TAB2: variants seen among roughly 807,000 people sequenced by gnomAD.
TAB2 encodes TGF-beta-activated kinase 1 and MAP3K7-binding protein 2.
TAB2 carries 3 observed loss-of-function variants against 65.0 expected under a neutral mutation model. That is an observed-to-expected ratio of 0.05 (90% CI 0.02 to 0.12). The LOEUF is 0.12. Among genes scored for constraint, TAB2 ranks in the 10% least tolerant of loss-of-function variants. The pLI is 1.00. For missense variants in TAB2, 623 were observed against 840.3 expected, an observed-to-expected ratio of 0.74 and a Z score of 3.20; for synonymous variants, 298 against 285.1, an observed-to-expected ratio of 1.05 and a Z score of -0.46.
chr6:149,226,233 A>G (rs73781710), intron 1 of TAB2, among the ~76,000 whole-genome samples: 2,057 of 152,262 alleles, frequency 0.014, 56 homozygotes, highest in African/African-American at 0.047. Context: ...CCTGCCCATT[A>G]TAGGACACAG....
At chr6:149,365,196 A>G (rs530645546) in intron 1 of TAB2, among the ~76,000 whole-genome samples, 3 of 152,320 alleles carry the variant, frequency 2.0e-5, no homozygotes, top group Middle Eastern at 3.4e-3. Context: ...GCATCTTAAC[A>G]TAGGAAATGT....
chr6:149,356,620 C>A (rs1583118346), intron 1 of TAB2, among the ~76,000 whole-genome samples: 1 of 152,082 alleles, frequency 6.6e-6, no homozygotes, highest in Admixed American at 6.6e-5. Context: ...GCCACTAATC[C>A]CATTCATGTA....
chr6:149,399,043 T>TTAG, intron 5 of TAB2, 61 bp from the exon 6 acceptor site: 1 of 1,426,314 alleles, frequency 7.0e-7, no homozygotes. Flanking sequence ...ATACTTGTTT[T>TTAG]AAAAAGTAAA....
At chr6:149,349,297 G>A (rs998026144) in intron 1 of TAB2, among the ~76,000 whole-genome samples, 4 of 151,006 alleles carry the variant, frequency 2.6e-5, no homozygotes, top group African/African-American at 9.7e-5. Context: ...GCACGCGCCT[G>A]TAATCCTAGC....
chr6:149,340,164 A>G (rs1009905074), intron 1 of TAB2, among the ~76,000 whole-genome samples: 1 of 152,224 alleles, frequency 6.6e-6, no homozygotes, highest in African/African-American at 2.4e-5. Flanking sequence ...ACTACAATTT[A>G]AAGGAGATTC....
Position 149,353,880 on chromosome 6 carries a change from T to A in TAB2, c.-89-16029T>A, listed in dbSNP as rs550604515. ...AGAGTGAGAGATTAAATATATATATTTGTGTATTTGTGTGTGTATACATAT... is the reference window on the plus strand; with the variant it reads ...AGAGTGAGAGATTAAATATATATATATGTGTATTTGTGTGTGTATACATAT... On this transcript the variant is annotated intron_variant, in intron 1 of 6. Transcript: ENST00000637181. 7.4e-3 allele frequency among the ~76,000 whole-genome samples: 1,126 copies of A among 152,308 alleles called. 14 individuals carry two copies. The highest frequency in any genetic ancestry group is 0.026 in the African/African-American group (1,087 of 41,560).
chr6:149,310,270 G>A (rs946844544), intron 1 of TAB2, among the ~76,000 whole-genome samples: 9 of 152,306 alleles, frequency 5.9e-5, no homozygotes, highest in African/African-American at 2.2e-4. Flanking sequence ...CTGGGAGGCA[G>A]AGGTTGCAGT....
At chr6:149,366,136 G>C (rs1781032511) in intron 1 of TAB2, among the ~76,000 whole-genome samples, 2 of 151,920 alleles carry the variant, frequency 1.3e-5, no homozygotes, top group South Asian at 4.2e-4. Context: ...GTTTTTTTCT[G>C]TTTATGTGTA....
At chr6:149,391,342 C>T (rs977088620) in intron 3 of TAB2, among the ~76,000 whole-genome samples, 1 of 151,674 alleles carries the variant, frequency 6.6e-6, no homozygotes, top group Admixed American at 6.6e-5. Flanking sequence ...ATCATCCTGT[C>T]CCACATTTAG....
At chr6:149,391,362 C>G (rs73779333) in intron 3 of TAB2, among the ~76,000 whole-genome samples, 1 of 151,900 alleles carries the variant, frequency 6.6e-6, no homozygotes, top group Non-Finnish European at 1.5e-5. Flanking sequence ...GTGGACTCCT[C>G]CATTTTAGAG....
intron 1 of TAB2, among the ~76,000 whole-genome samples, chr6:149,360,972 C>T (rs1000106099): frequency 2.6e-5 from 4 of 152,214 alleles, no homozygotes; most frequent in African/African-American, 7.2e-5. Context: ...GTCCCGCATC[C>T]AGGCCTTTGA....
intron 1 of TAB2, among the ~76,000 whole-genome samples, chr6:149,233,272 T>A (rs1777438480): frequency 6.6e-6 from 1 of 152,134 alleles, no homozygotes; most frequent in Non-Finnish European, 1.5e-5. Flanking sequence ...TCATCCAGGG[T>A]CCGAGACAAA....
At chr6:149,265,410 T>C (rs373621618) in intron 1 of TAB2, among the ~76,000 whole-genome samples, 10 of 152,320 alleles carry the variant, frequency 6.6e-5, no homozygotes, top group Admixed American at 3.3e-4. Context: ...TGCTTCTCTT[T>C]TATTTTGCTG....
At chr6:149,307,418 C>T (rs1001623742) in intron 1 of TAB2, among the ~76,000 whole-genome samples, 1 of 152,120 alleles carries the variant, frequency 6.6e-6, no homozygotes, top group Non-Finnish European at 1.5e-5. Context: ...ACGTGAAATC[C>T]TCATTTATCT....
chr6:149,260,174 G>C (rs1311416579), intron 1 of TAB2, among the ~76,000 whole-genome samples: 1 of 152,190 alleles, frequency 6.6e-6, no homozygotes, highest in African/African-American at 2.4e-5. Flanking sequence ...TGTAAAGGGA[G>C]AGGTAAACCG....
chr6:149,346,057 AAC>A (rs1780285756), intron 1 of TAB2, among the ~76,000 whole-genome samples: 2 of 152,264 alleles, frequency 1.3e-5, no homozygotes, highest in Admixed American at 6.5e-5. Flanking sequence ...CACCACTTTA[AAC>A]ACGTGTGTTT....
rs149931749 is a variant in TAB2 at position 149,229,243 on chromosome 6, G to A, written c.-121+10467G>A. ...CACCAGAGATGCCAAAACCAAGGGG[G>A]AAGAAAAAACATGCAGTGTCAGTAA... On this transcript the variant is annotated intron_variant, in intron 1 of 1. Transcript: ENST00000606202. Among the ~76,000 whole-genome samples, 6 of 152,240 alleles carry A rather than the reference G, an allele frequency of 3.9e-5. No individual in the cohort carries two copies. The East Asian group carries it at 1.2e-3, about 29-fold the overall frequency.
chr6:149,275,286 AAG>A (rs1325836203), intron 1 of TAB2, among the ~76,000 whole-genome samples: 2 of 146,620 alleles, frequency 1.4e-5, no homozygotes, highest in African/African-American at 2.5e-5. Flanking sequence ...GAAAGAAAGA[AAG>A]AAAGAAAGAA....
chr6:149,343,202 A>G (rs981587669), intron 1 of TAB2, among the ~76,000 whole-genome samples: 1 of 152,218 alleles, frequency 6.6e-6, no homozygotes, highest in African/African-American at 2.4e-5. Flanking sequence ...GAATTCAGTT[A>G]ATGAAACTAC....
Sources: gnomAD v4.1 joint callset for allele counts (sites outside exome capture counted in the v4.1 genomes callset) on GRCh38, gnomAD v4.1.1 for gene constraint, MANE v1.5 for transcripts, NCBI Gene and HGNC (gene_info 2026-07-23, HGNC 2026-07-21) for gene names.